Variants in CNTLN observed in about 807,000 individuals in gnomAD.
The protein encoded by CNTLN is centlein, centrosomal protein.
In CNTLN, 212 loss-of-function variants were observed where a neutral mutation model predicts 180.0. The ratio of observed to expected loss-of-function variants is 1.18; its 90% CI spans 1.05 to 1.32. The LOEUF (loss-of-function observed/expected upper bound fraction) is 1.32, where lower values mean the gene tolerates loss of function less well. Ranked by LOEUF, CNTLN falls within the 40% of genes most tolerant of loss-of-function variation. CNTLN has a pLI of 0.00. For missense variants in CNTLN, 2,095 were observed against 1,610.9 expected (o/e 1.30, Z -5.14); for synonymous variants, 722 against 563.1 (o/e 1.28, Z -3.99).
intron 18 of CNTLN, among the ~76,000 whole-genome samples, chr9:17,419,293 G>T (rs186188476): frequency 1.3e-5 from 2 of 152,036 alleles, no homozygotes; most frequent in African/African-American, 4.8e-5. Context: ...TTTGAAATGC[G>T]CTATAGCCCT....
chr9:17,249,997 G>A (rs1249031533), intron 5 of CNTLN, among the ~76,000 whole-genome samples: 1 of 150,774 alleles, frequency 6.6e-6, no homozygotes, highest in African/African-American at 2.4e-5. Flanking sequence ...AACTATTATT[G>A]TAAATTTTTC....
chr9:17,308,649 G>T (rs1025871035), intron 7 of CNTLN, among the ~76,000 whole-genome samples: 1 of 151,446 alleles, frequency 6.6e-6, no homozygotes, highest in African/African-American at 2.4e-5. Context: ...TCTTTAGAAT[G>T]ACTTTTTGTT....
chr9:17,322,931 G>T (rs756776150), intron 8 of CNTLN, among the ~76,000 whole-genome samples: 21 of 152,094 alleles, frequency 1.4e-4, no homozygotes, highest in Non-Finnish European at 2.6e-4. Context: ...TTATGAATTT[G>T]TAAAAAATGT....
intron 5 of CNTLN, among the ~76,000 whole-genome samples, chr9:17,250,509 T>C (rs1826073264): frequency 6.6e-6 from 1 of 152,032 alleles, no homozygotes. Flanking sequence ...ATATATGTTA[T>C]TGATAATTTC....
intron 18 of CNTLN, among the ~76,000 whole-genome samples, chr9:17,430,058 T>C (rs1300609392): frequency 1.3e-5 from 2 of 152,030 alleles, no homozygotes; most frequent in Non-Finnish European, 2.9e-5. Context: ...TTGAATTGAT[T>C]GTTCATCTGT....
At chr9:17,303,920 C>T (rs2132853018) in intron 7 of CNTLN, among the ~76,000 whole-genome samples, 1 of 152,220 alleles carries the variant, frequency 6.6e-6, no homozygotes, top group East Asian at 1.9e-4. Flanking sequence ...TCTTATTAAA[C>T]TTCTTTAAGA....
At chr9:17,231,080 G>C (rs1403433877) in intron 3 of CNTLN, among the ~76,000 whole-genome samples, 1 of 152,066 alleles carries the variant, frequency 6.6e-6, no homozygotes, top group African/African-American at 2.4e-5. Flanking sequence ...TGATGGATCT[G>C]AAAAGAGTTG....
chr9:17,430,429 A>G (rs528947726), intron 18 of CNTLN, among the ~76,000 whole-genome samples: 1 of 152,160 alleles, frequency 6.6e-6, no homozygotes, highest in African/African-American at 2.4e-5. Context: ...ATTGATACAT[A>G]ATAGTTGTTC....
At chr9:17,396,867 T>C (rs1229395050) in intron 15 of CNTLN, among the ~76,000 whole-genome samples, 4 of 152,194 alleles carry the variant, frequency 2.6e-5, no homozygotes. Context: ...AAAAAACATA[T>C]TCATGAAGGA....
Position 17,415,889 on chromosome 9 carries a change from T to A in CNTLN, c.2890+8T>A, listed in dbSNP as rs539040562. The A allele has an allele frequency of 1.9e-6, 3 of 1,597,090 alleles. No individual in the cohort carries two copies. In the African/African-American group the frequency reaches 4.0e-5, roughly 22 times the overall value. The stretch of plus-strand genomic sequence containing the variant: ...CAGCAGTTCCTACTAGAGGTAAGAA[T>A]GTATATGCAATTAACAATATGTCTT... On this transcript the variant is annotated splice_region_variant and intron_variant, in intron 17 of 25. Transcript: ENST00000380647.
chr9:17,150,064 G>A (rs538896034), intron 2 of CNTLN, among the ~76,000 whole-genome samples: 1 of 152,218 alleles, frequency 6.6e-6, no homozygotes, highest in East Asian at 1.9e-4. Flanking sequence ...TCTGTCAGAT[G>A]GATAGATTGC....
chr9:17,271,128 T>A (rs1435932438), intron 5 of CNTLN, among the ~76,000 whole-genome samples: 1 of 151,974 alleles, frequency 6.6e-6, no homozygotes, highest in Non-Finnish European at 1.5e-5. Context: ...TTTTTTGTGT[T>A]TTTAGTAGAG....
chr9:17,510,450 A>G, the CNTLN span, among the ~76,000 whole-genome samples: 4 of 152,176 alleles, frequency 2.6e-5, no homozygotes, highest in Non-Finnish European at 5.9e-5. Context: ...GTGCTCAGAT[A>G]TGTGGTCAGA....
chr9:17,365,716 T>A (rs1823761939), intron 12 of CNTLN, among the ~76,000 whole-genome samples: 1 of 152,196 alleles, frequency 6.6e-6, no homozygotes. Flanking sequence ...TCCCAGCATT[T>A]TGGGAGGCCA....
At chr9:17,311,346 C>T (rs554133627) in intron 8 of CNTLN, among the ~76,000 whole-genome samples, 193 of 151,474 alleles carry the variant, frequency 1.3e-3, no homozygotes, top group Non-Finnish European at 2.0e-3. Context: ...TTAATTTAGG[C>T]GGATTAATCA....
At chr9:17,248,112 C>G (rs1417224805) in intron 5 of CNTLN, among the ~76,000 whole-genome samples, 1 of 152,166 alleles carries the variant, frequency 6.6e-6, no homozygotes, top group Non-Finnish European at 1.5e-5. Flanking sequence ...AGGCGTGAGC[C>G]ACTGCACCCA....
chr9:17,495,556 G>C (rs995776776), intron 25 of CNTLN, among the ~76,000 whole-genome samples: 1 of 152,184 alleles, frequency 6.6e-6, no homozygotes, highest in Non-Finnish European at 1.5e-5. Flanking sequence ...TTTAAGCTAA[G>C]TGTTCTTACA....
At chr9:17,384,461 A>T (rs10810781) in intron 13 of CNTLN, among the ~76,000 whole-genome samples, 3 of 151,944 alleles carry the variant, frequency 2.0e-5, no homozygotes, top group African/African-American at 7.3e-5. Context: ...CCTCCTGCCC[A>T]GGTAAACTCA....
At chr9:17,472,576 C>A (rs960783616) in intron 23 of CNTLN, among the ~76,000 whole-genome samples, 1 of 152,054 alleles carries the variant, frequency 6.6e-6, no homozygotes, top group Non-Finnish European at 1.5e-5. Context: ...GGATCACCAC[C>A]TACCTTAGGG....
Sources: gnomAD v4.1 joint callset for allele counts (sites outside exome capture counted in the v4.1 genomes callset) on GRCh38, gnomAD v4.1.1 for gene constraint, MANE v1.5 for transcripts, NCBI Gene and HGNC (gene_info 2026-07-23, HGNC 2026-07-21) for gene names.